The following SIPA1L3 variants were observed in gnomAD, a reference collection of about 807,000 sequenced individuals.
SIPA1L3 encodes the protein signal-induced proliferation-associated 1-like protein 3.
A neutral mutation model predicts 150.1 loss-of-function variants in SIPA1L3; 59 were observed. That is an observed-to-expected ratio of 0.39 (90% CI 0.32 to 0.49). The LOEUF (loss-of-function observed/expected upper bound fraction) is 0.49, where lower values mean the gene tolerates loss of function less well. Ranked by LOEUF, SIPA1L3 falls within the 20% of genes least tolerant of loss-of-function variation. SIPA1L3 has a pLI of 0.86. For synonymous variants in SIPA1L3, 1,070 were observed against 1,077.6 expected (o/e 0.99, Z 0.14); for missense variants, 2,211 against 2,489.5 (o/e 0.89, Z 2.38).
chr19:38,164,517 C>T lies in SIPA1L3; in HGVS notation c.3819C>T (p.Thr1273=), dbSNP rs775855712. ...PQYSSHSSSN[T]LSSNASSSHS... The stretch of plus-strand genomic sequence containing the variant: ...ACTCAAGTCATTCCAGCAGCAACAC[C>T]CTCTCCAGCAACGCATCCAGCAGCC... The change falls in exon 15 of 22, where the codon ACC becomes ACT. Residue 1273 remains threonine (T), a synonymous_variant. Transcript: ENST00000222345. This position sits in a 1 kb window ranked among gnomAD's most constrained non-coding sequence, Gnocchi z 4.1. 4 of 1,613,504 alleles carry T rather than the reference C, an allele frequency of 2.5e-6. No individual in the cohort carries two copies. In the Admixed American group the frequency reaches 5.0e-5, roughly 20 times the overall value.
In SIPA1L3 at chr19:37,944,950, C is replaced by CATAA. The variant is rs528165380; in HGVS notation, c.-379+37611_-379+37614dup. Among the ~76,000 whole-genome samples, 66 of 152,122 alleles carry CATAA rather than the reference C, an allele frequency of 4.3e-4. 1 individual carries two copies. The South Asian group carries it at 4.4e-3, about 10-fold the overall frequency. On this transcript the variant is annotated intron_variant, in intron 1 of 21. Transcript: ENST00000222345. ...TGGGTGATAGAGCGAGACTCCATCT[C>CATAA]ATAAATAAATAAATAAATAAATGCA...
At chr19:38,110,139 G>C in intron 7 of SIPA1L3, 88 bp from the exon 8 acceptor site, 2 of 1,310,200 alleles carry the variant, frequency 1.5e-6, no homozygotes, top group Non-Finnish European at 2.2e-6. Context: ...AATGGGGGTG[G>C]GTGGGGGGAG....
intron 1 of SIPA1L3, among the ~76,000 whole-genome samples, chr19:38,017,019 C>T (rs567849678): frequency 8.2e-4 from 124 of 150,820 alleles, no homozygotes; most frequent in Admixed American, 1.6e-3. Flanking sequence ...ACCTCAGCCT[C>T]CTGAGTAGCT....
chr19:38,150,615 C>T (rs935397637), intron 12 of SIPA1L3, among the ~76,000 whole-genome samples: 6 of 151,272 alleles, frequency 4.0e-5, no homozygotes, highest in Non-Finnish European at 4.4e-5. Context: ...TCACTGCAAC[C>T]GCAATCTCCG....
Position 38,029,377 on chromosome 19 carries a change from C to T in SIPA1L3, c.-311+221C>T, listed in dbSNP as rs117165321. Reference sequence around the variant, plus strand: ...TCCCATACACAAACATTCCTACATGCACATATACACACTTATTTTGGTTCG... The same window carrying T: ...TCCCATACACAAACATTCCTACATGTACATATACACACTTATTTTGGTTCG... On this transcript the variant is annotated intron_variant, in intron 2 of 21. Transcript: ENST00000222345. Among the ~76,000 whole-genome samples the T allele has an allele frequency of 9.1e-4, 139 of 152,260 alleles. No individual in the cohort carries two copies. The highest frequency in any genetic ancestry group is 1.5e-3 in the Non-Finnish European group (103 of 68,022).
rs750153600 is a variant in SIPA1L3, at chr19:38,130,517, A to C, written c.2888A>C (p.Glu963Ala). 6.2e-7 allele frequency: 1 copy of C among 1,610,028 alleles called. No homozygotes were observed. Among genetic ancestry groups the C allele is most frequent in the Non-Finnish European group, 8.5e-7 (1 of 1,179,130 alleles). Residue 963 changes from glutamate to alanine, a missense_variant, in exon 10 of 22, where the codon GAG becomes GCG. Glu to Ala is a moderately radical substitution (Grantham distance 107, BLOSUM62 -1). Coordinates refer to ENST00000222345, the MANE Select transcript of SIPA1L3 (RefSeq NM_015073.3). ...QRLKVMTSGW[E>A]TVDMTLRRNG... is the part of the protein sequence containing the mutation. ...CTGCAGGTGATGACCAGTGGCTGGG[A>C]GACGGTGGACATGACGCTTCGGCGG... is the stretch of plus-strand genomic sequence containing the variant.
rs761561940 is a variant in SIPA1L3, at chr19:38,162,275, C to A, written c.3684C>A (p.Ala1228=). Residue 1228 remains alanine (A), a synonymous_variant, in exon 14 of 22, where the codon GCC becomes GCA. Coordinates refer to ENST00000222345, the MANE Select transcript of SIPA1L3 (RefSeq NM_015073.3). ...QKPEPLWHVP[A]QARLSAIAGS... ...CAGAGCCTTTGTGGCATGTGCCTGC[C>A]CAGGCCAGGCTCTCAGCCATAGCCG... 6.2e-7 allele frequency: 1 copy of A among 1,614,212 alleles called. No homozygotes were observed. The highest frequency in any genetic ancestry group is 1.7e-5 in the Admixed American group (1 of 60,030).
chr19:38,017,583 G>A (rs1245213637), intron 1 of SIPA1L3, among the ~76,000 whole-genome samples: 1 of 149,992 alleles, frequency 6.7e-6, no homozygotes, highest in African/African-American at 2.5e-5. Context: ...GGAATGTGGT[G>A]GTGTCATCAT....
chr19:38,048,366 G>C (rs1038857283), intron 2 of SIPA1L3, among the ~76,000 whole-genome samples: 4 of 152,132 alleles, frequency 2.6e-5, no homozygotes, highest in Non-Finnish European at 1.5e-5. Flanking sequence ...TATGCCTCTT[G>C]GTTCCAGAAT....
intron 2 of SIPA1L3, among the ~76,000 whole-genome samples, chr19:38,049,643 G>A (rs1004247651): frequency 1.3e-5 from 2 of 152,150 alleles, no homozygotes; most frequent in African/African-American, 4.8e-5. Context: ...TCTCTCCCCA[G>A]GGGTGGGATT....
intron 1 of SIPA1L3, among the ~76,000 whole-genome samples, chr19:38,013,803 A>G (rs778382065): frequency 3.9e-5 from 6 of 152,244 alleles, no homozygotes; most frequent in Non-Finnish European, 8.8e-5. Flanking sequence ...TTTTCAGGGA[A>G]TGATTGAATA....
Position 38,205,725 on chromosome 19 carries a change from G to A in SIPA1L3, c.5203-372G>A, listed in dbSNP as rs565705704. ...CCCAGCTCCCCACTTGCTGTGTGAG[G>A]CTGGGGTCCTCTTCCAGGAAACTAG... On this transcript the variant is annotated intron_variant, in intron 21 of 21. Coordinates refer to ENST00000222345, the MANE Select transcript of SIPA1L3 (RefSeq NM_015073.3). Among the ~76,000 whole-genome samples, 11 of 152,260 alleles carry A rather than the reference G, an allele frequency of 7.2e-5. No homozygotes were observed. In the East Asian group the frequency reaches 2.1e-3, roughly 29 times the overall value.
intron 2 of SIPA1L3, among the ~76,000 whole-genome samples, chr19:38,063,336 G>C (rs566437846): frequency 1.3e-5 from 2 of 152,058 alleles, no homozygotes; most frequent in Non-Finnish European, 2.9e-5. Flanking sequence ...GTGGTGTTCC[G>C]GGTGGGCCCC....
At chr19:37,947,412 C>T (rs968422983) in intron 1 of SIPA1L3, among the ~76,000 whole-genome samples, 1 of 151,652 alleles carries the variant, frequency 6.6e-6, no homozygotes, top group Non-Finnish European at 1.5e-5. Context: ...TTGCTTGAAC[C>T]CAGGAGGCAG....
In SIPA1L3 at chr19:38,018,089, A is replaced by AT. The variant is rs201864828; in HGVS notation, c.-378-10988dup. On this transcript the variant is annotated intron_variant, in intron 1 of 21. Coordinates refer to ENST00000222345, the MANE Select transcript of SIPA1L3 (RefSeq NM_015073.3). ...CTTCTCCATCTCCTGGGATTCTCTGATTTTTTTTTTTTCTTAGAGAATTTA... is the reference window on the plus strand; with the variant it reads ...CTTCTCCATCTCCTGGGATTCTCTGATTTTTTTTTTTTTCTTAGAGAATTTA... Among the ~76,000 whole-genome samples the AT allele has an allele frequency of 1.9e-3, 200 of 103,262 alleles. No homozygotes were observed. In the East Asian group the frequency reaches 0.02, roughly 10 times the overall value. 67.7% of individuals were successfully genotyped at this position (103,262 alleles called of 152,430 possible).
chr19:38,041,418 A>G (rs1193696572), intron 2 of SIPA1L3, among the ~76,000 whole-genome samples: 1 of 151,298 alleles, frequency 6.6e-6, no homozygotes, highest in Non-Finnish European at 1.5e-5. Context: ...AGCTGGGATT[A>G]CAGGCGCACG....
At chr19:38,154,226 T>G (rs1299281181) in intron 13 of SIPA1L3, among the ~76,000 whole-genome samples, 1 of 152,228 alleles carries the variant, frequency 6.6e-6, no homozygotes, top group African/African-American at 2.4e-5. Flanking sequence ...GGTATCGCAG[T>G]ATCTGAGTGG....
At chr19:37,979,738 C>T (rs1967156339) in intron 1 of SIPA1L3, among the ~76,000 whole-genome samples, 1 of 152,228 alleles carries the variant, frequency 6.6e-6, no homozygotes, top group African/African-American at 2.4e-5. Context: ...TGGCCCTTTA[C>T]AGAAGAAGTT....
chr19:38,199,610 GAGA>G (rs1568608052), intron 19 of SIPA1L3, among the ~76,000 whole-genome samples: 3 of 151,910 alleles, frequency 2.0e-5, no homozygotes, highest in Non-Finnish European at 4.4e-5. Context: ...GGTTACGGGG[GAGA>G]GGGGGGAGTA....
Sources: gnomAD v4.1 joint callset for allele counts (sites outside exome capture counted in the v4.1 genomes callset) on GRCh38, gnomAD v4.1.1 for gene constraint, Gnocchi (gnomAD v3.1) non-coding constraint, MANE v1.5 for transcripts, NCBI Gene and HGNC (gene_info 2026-07-23, HGNC 2026-07-21) for gene names.